The following SEC16B variants were observed in gnomAD, a reference collection of about 807,000 sequenced individuals.
The protein encoded by SEC16B is protein transport protein Sec16B.
In SEC16B, 115 loss-of-function variants were observed where a neutral mutation model predicts 141.8. The ratio of observed to expected loss-of-function variants is 0.81; its 90% CI spans 0.70 to 0.95. SEC16B has a LOEUF of 0.95. Among genes scored for constraint, SEC16B ranks in the 40% least tolerant of loss-of-function variants. The pLI is 0.00. For missense variants in SEC16B, 1,291 were observed against 1,312.3 expected (o/e 0.98, Z 0.25); for synonymous variants, 493 against 492.5 (o/e 1.00, Z -0.01).
chr1:177,929,325 C>T lies in SEC16B; in HGVS notation c.*533G>A, dbSNP rs1365252526. On this transcript the variant is annotated 3_prime_UTR_variant, in exon 26 of 26. Transcript: ENST00000308284. Reference sequence around the variant, plus strand: ...AAAACTAGGACCAAGAGGGAAACTGCTGAAATATCATTGAAGAGGAAATTA... The same window carrying T: ...AAAACTAGGACCAAGAGGGAAACTGTTGAAATATCATTGAAGAGGAAATTA... 6.5e-6 allele frequency: 1 copy of T among 154,298 alleles called. No individual in the cohort carries two copies. The highest frequency in any genetic ancestry group is 2.4e-5 in the African/African-American group (1 of 41,378). 9.6% of individuals were successfully genotyped at this position (154,298 alleles called of 1,614,324 possible).
chr1:177,950,960 AGAAG>A (rs1460855497), intron 12 of SEC16B, among the ~76,000 whole-genome samples: 25 of 106,890 alleles, frequency 2.3e-4, no homozygotes, highest in African/African-American at 4.7e-4. Flanking sequence ...AGGGAAGGAA[AGAAG>A]GAAGGAAGGG....
rs1650930808 is a variant in SEC16B, at chr1:177,937,408, G to A, written c.2309C>T (p.Pro770Leu). The A allele has an allele frequency of 6.2e-7, 1 of 1,610,298 alleles. No individual in the cohort carries two copies. Among genetic ancestry groups the A allele is most frequent in the Non-Finnish European group, 8.5e-7 (1 of 1,178,462 alleles). Residue 770 changes from proline (P) to leucine (L), a missense_variant, in exon 19 of 26, where the codon CCC becomes CTC. Physicochemically the swap from Pro to Leu is moderately conservative, Grantham distance 98. This residue lies in a region of SEC16B where 605 missense variants were observed against 614.1 expected (regional missense o/e 0.99). Transcript: ENST00000308284. ...GAGGGGAAAGGGCTGCTGTGGGCTG[G>A]GCTGGAGCAGGCAGGTCTGCTCAGG... ...LTPEQTCLLQ[P>L]SPQQPFPLQP... is the part of the protein sequence containing the mutation.
intron 12 of SEC16B, 66 bp from the exon 13 acceptor site, chr1:177,948,008 C>T: frequency 5.6e-6 from 7 of 1,248,416 alleles, no homozygotes; most frequent in Non-Finnish European, 8.0e-6. Flanking sequence ...ATAAAGAAGG[C>T]TGTTGTCTAT....
chr1:177,964,876 A>G (rs1050626199), intron 4 of SEC16B, among the ~76,000 whole-genome samples, 171 bp downstream of exon 4: 3 of 152,212 alleles, frequency 2.0e-5, no homozygotes, highest in Non-Finnish European at 4.4e-5. Context: ...CCCAGGGTCC[A>G]TATTAACAGC....
chr1:177,932,551 C>A lies in SEC16B; in HGVS notation c.2951G>T (p.Gly984Val). 1 of 1,560,920 alleles carries A rather than the reference C, an allele frequency of 6.4e-7. No individual in the cohort carries two copies. The highest frequency in any genetic ancestry group is 8.7e-7 in the Non-Finnish European group (1 of 1,153,212). ...SRGRGGGEGR[G>V]SASSGGAAAG... is the part of the protein sequence containing the mutation. The stretch of plus-strand genomic sequence containing the variant: ...AGCTGCTCCCCCGCTGGATGCGGAT[C>A]CTCGGCCTTCACCCCCACCTGGAAA... The change falls in exon 24 of 26, where the codon GGA (glycine) becomes GTA (valine). Residue 984 changes from glycine (G) to valine (V), a missense_variant. By Grantham distance (109) the Gly-to-Val change is moderately radical (BLOSUM62 -3). Transcript: ENST00000308284.
At chr1:177,970,955 C>G (rs367905043), upstream of SEC16B, among the ~76,000 whole-genome samples, 45 of 152,264 alleles carry the variant, frequency 3.0e-4, no homozygotes, top group African/African-American at 1.1e-3. Flanking sequence ...CCAGGGAAAA[C>G]CACCCCTCTT....
At chr1:177,943,771 G>A (rs1315576266) in intron 15 of SEC16B, among the ~76,000 whole-genome samples, 1 of 152,192 alleles carries the variant, frequency 6.6e-6, no homozygotes, top group Non-Finnish European at 1.5e-5. Context: ...GCCAGGCGCT[G>A]TTCTCGAGCA....
intron 1 of SEC16B, among the ~76,000 whole-genome samples, chr1:177,979,813 C>A (rs1311464895): frequency 6.6e-6 from 1 of 152,170 alleles, no homozygotes; most frequent in Admixed American, 6.5e-5. Flanking sequence ...AAAGAGAGAG[C>A]TTGTGTAGGG....
intron 22 of SEC16B, 45 bp downstream of exon 22, chr1:177,933,169 A>C: frequency 6.8e-7 from 1 of 1,477,876 alleles, no homozygotes; most frequent in Non-Finnish European, 9.2e-7. Flanking sequence ...GCTCCCTCTG[A>C]AAGACCCACA....
Position 177,960,790 on chromosome 1 carries a change from C to A in SEC16B, c.936+1G>T. ...TTCCAGGGACACTGGGTCTTCTTTA[C>A]CTCCATGCTGTGCAGTTCAACAAGG... On this transcript the variant is annotated splice_donor_variant, in intron 7 of 25. Transcript: ENST00000308284. LOFTEE classifies it high-confidence loss of function. 1.2e-6 allele frequency: 2 copies of A among 1,600,708 alleles called. No homozygotes were observed. The highest frequency in any genetic ancestry group is 1.7e-6 in the Non-Finnish European group (2 of 1,172,328).
intron 1 of SEC16B, among the ~76,000 whole-genome samples, chr1:177,976,635 T>C (rs1022146163): frequency 8.5e-5 from 13 of 152,150 alleles, no homozygotes; most frequent in African/African-American, 2.9e-4. Context: ...CCTCACAGAG[T>C]TATTATAAGG....
upstream of SEC16B, among the ~76,000 whole-genome samples, chr1:177,972,078 C>A (rs1653981308): frequency 6.6e-6 from 1 of 152,194 alleles, no homozygotes; most frequent in South Asian, 2.1e-4. Context: ...CATTGCACAA[C>A]CCTGGCTTAA....
At chr1:177,944,869 G>T (rs1357310112) in intron 14 of SEC16B, among the ~76,000 whole-genome samples, 1 of 152,140 alleles carries the variant, frequency 6.6e-6, no homozygotes, top group Non-Finnish European at 1.5e-5. Context: ...CCTCCTTGAG[G>T]CTGAGGAAGG....
At chr1:177,943,763 C>A (rs978657794) in intron 15 of SEC16B, among the ~76,000 whole-genome samples, 2 of 152,236 alleles carry the variant, frequency 1.3e-5, no homozygotes, top group Non-Finnish European at 2.9e-5. Flanking sequence ...TGCTGTGTGC[C>A]AGGCGCTGTT....
chr1:177,974,562 T>C (rs1041047667), upstream of SEC16B, among the ~76,000 whole-genome samples: 5 of 152,020 alleles, frequency 3.3e-5, no homozygotes, highest in Non-Finnish European at 7.4e-5. Context: ...TAAAAATGTG[T>C]TCTCTGGATC....
chr1:177,982,411 G>T (rs1042739870), intron 1 of SEC16B, among the ~76,000 whole-genome samples: 1 of 152,218 alleles, frequency 6.6e-6, no homozygotes, highest in Non-Finnish European at 1.5e-5. Context: ...GAAGGGATTT[G>T]TCCTGGGTCA....
chr1:177,938,621 T>C (rs1405579494), intron 18 of SEC16B, among the ~76,000 whole-genome samples: 1 of 150,214 alleles, frequency 6.7e-6, no homozygotes, highest in Non-Finnish European at 1.5e-5. Flanking sequence ...TTGTATGACT[T>C]TTTTTTTAAG....
chr1:177,956,424 T>C (rs1010734293), intron 10 of SEC16B, among the ~76,000 whole-genome samples: 5 of 152,146 alleles, frequency 3.3e-5, no homozygotes, highest in Non-Finnish European at 7.4e-5. Context: ...ACAGAAATGG[T>C]ATACAGCATG....
chr1:177,948,522 A>G lies in SEC16B; in HGVS notation c.1546-580T>C, dbSNP rs778214479. The G allele has an allele frequency of 5.4e-6, 7 of 1,304,312 alleles. No homozygotes were observed. The African/African-American group carries it at 9.1e-5, about 17-fold the overall frequency. 80.8% of individuals were successfully genotyped at this position (1,304,312 alleles called of 1,614,324 possible). A position where few individuals can be genotyped will look rare whatever the true frequency, so the allele number is the denominator to read the frequency against. ...AATCAAGCCAAGTGGCCCAGCTAGG[A>G]CGATGCAGAGGCAGCAGAATTCCAC... On this transcript the variant is annotated intron_variant, in intron 12 of 25. Coordinates refer to ENST00000308284, the MANE Select transcript of SEC16B (RefSeq NM_033127.4).
Sources: allele counts gnomAD v4.1 joint callset (sites outside exome capture counted in the v4.1 genomes callset), GRCh38; gene constraint gnomAD v4.1.1; regional missense constraint gnomAD v4.1.1; transcripts MANE v1.5; gene names NCBI Gene and HGNC (gene_info 2026-07-23, HGNC 2026-07-21).